The following IQCM variants were observed in gnomAD, a reference collection of about 807,000 sequenced individuals.
The protein encoded by IQCM is IQ motif containing M, also known as IQ domain-containing protein M.
A neutral mutation model predicts 57.6 loss-of-function variants in IQCM; 45 were observed. That is an observed-to-expected ratio of 0.78 (90% CI 0.62 to 1.00). The LOEUF (loss-of-function observed/expected upper bound fraction) is 1.00. Ranked by LOEUF, IQCM falls within the 50% of genes least tolerant of loss-of-function variation. IQCM has a pLI of 0.00. For synonymous variants in IQCM, 148 were observed against 158.9 expected (o/e 0.93, Z 0.51); for missense variants, 468 against 511.6 (o/e 0.91, Z 0.82).
At chr4:149,705,157 T>TAAATATATA (rs201493509) in intron 5 of IQCM, among the ~76,000 whole-genome samples, 3,545 of 146,914 alleles carry the variant, frequency 0.024, 135 homozygotes, top group African/African-American at 0.082. Context: ...ATACATATTA[T>TAAATATATA]AAATATATAA....
chr4:149,719,999 AT>A (rs1449254291), intron 5 of IQCM, among the ~76,000 whole-genome samples: 7 of 152,194 alleles, frequency 4.6e-5, no homozygotes, highest in Admixed American at 3.3e-4. Context: ...TACTGCTCTC[AT>A]TTCACTTCCT....
chr4:149,694,474 T>C (rs377049250), intron 5 of IQCM, among the ~76,000 whole-genome samples: 3 of 152,038 alleles, frequency 2.0e-5, no homozygotes, highest in Admixed American at 6.6e-5. Flanking sequence ...GTAGATAATA[T>C]ATACATACTT....
chr4:149,526,348 C>T (rs190350105), intron 12 of IQCM, among the ~76,000 whole-genome samples: 10 of 151,926 alleles, frequency 6.6e-5, no homozygotes, highest in East Asian at 5.8e-4. Flanking sequence ...ATTCTCATGG[C>T]GATTCCAGAC....
intron 13 of IQCM, among the ~76,000 whole-genome samples, chr4:149,425,139 C>A (rs970981712): frequency 1.3e-5 from 2 of 151,936 alleles, no homozygotes; most frequent in Non-Finnish European, 2.9e-5. Flanking sequence ...AGAAAATGCA[C>A]ATAAAATGTA....
intron 13 of IQCM, among the ~76,000 whole-genome samples, chr4:149,408,148 T>C (rs1733115741): frequency 6.6e-6 from 1 of 152,172 alleles, no homozygotes; most frequent in Non-Finnish European, 1.5e-5. Flanking sequence ...TTGTACCCCA[T>C]AAATTTATAC....
intron 2 of IQCM, among the ~76,000 whole-genome samples, chr4:149,805,276 C>T (rs1199059197): frequency 2.0e-5 from 3 of 151,910 alleles, no homozygotes; most frequent in Non-Finnish European, 2.9e-5. Context: ...CTTGGAAATG[C>T]TTTTCTGTTT....
At chr4:149,378,144 A>T (rs1380154280) in intron 13 of IQCM, among the ~76,000 whole-genome samples, 1 of 152,144 alleles carries the variant, frequency 6.6e-6, no homozygotes, top group African/African-American at 2.4e-5. Flanking sequence ...TTCTGTCATG[A>T]TTATGAGGCC....
intron 2 of IQCM, among the ~76,000 whole-genome samples, chr4:149,802,569 G>A (rs1399174351): frequency 1.3e-5 from 2 of 151,914 alleles, no homozygotes; most frequent in Non-Finnish European, 2.9e-5. Flanking sequence ...TGTAACAAAA[G>A]CTAATGGAGC....
At chr4:149,450,816 A>AG (rs1197948453) in intron 12 of IQCM, among the ~76,000 whole-genome samples, 1 of 151,788 alleles carries the variant, frequency 6.6e-6, no homozygotes, top group Non-Finnish European at 1.5e-5. Flanking sequence ...CCTCAAAAAA[A>AG]CTAAAAATAA....
At chr4:149,601,245 T>C (rs1754263824) in intron 8 of IQCM, among the ~76,000 whole-genome samples, 1 of 152,096 alleles carries the variant, frequency 6.6e-6, no homozygotes, top group African/African-American at 2.4e-5. Context: ...TCCTAGGTGA[T>C]AACAATGCTA....
rs867537120 is a variant in IQCM, at chr4:149,368,878, G to A, written c.1391-16812C>T. ...CATGTATATATATACATATATACAC[G>A]TGTATATATATGTATATATATACAC... On this transcript the variant is annotated intron_variant, in intron 13 of 13. Coordinates refer to ENST00000636793, the MANE Select transcript of IQCM (RefSeq NM_001363507.2). Among the ~76,000 whole-genome samples the A allele has an allele frequency of 2.3e-3, 92 of 40,152 alleles. 1 individual carries two copies. Among genetic ancestry groups the A allele is most frequent in the East Asian group, 4.7e-3 (9 of 1,920 alleles). 26.3% of individuals were successfully genotyped at this position (40,152 alleles called of 152,430 possible). A position where few individuals can be genotyped will look rare whatever the true frequency, so the allele number is the denominator to read the frequency against.
chr4:149,381,247 C>T (rs1278672413), intron 13 of IQCM, among the ~76,000 whole-genome samples: 1 of 151,992 alleles, frequency 6.6e-6, no homozygotes, highest in African/African-American at 2.4e-5. Context: ...ATTATTTTTT[C>T]CTGCTTGGAT....
chr4:149,616,375 T>C (rs1267205849), intron 8 of IQCM, among the ~76,000 whole-genome samples: 1 of 152,108 alleles, frequency 6.6e-6, no homozygotes, highest in Non-Finnish European at 1.5e-5. Flanking sequence ...ATGAGACACC[T>C]AGAGTAGTCA....
chr4:149,547,136 T>G (rs1256181050), intron 12 of IQCM, among the ~76,000 whole-genome samples: 3 of 152,256 alleles, frequency 2.0e-5, no homozygotes, highest in Admixed American at 2.0e-4. Context: ...GTTGTAGATG[T>G]GTGGTATTAT....
chr4:149,622,922 C>A (rs1047449172), intron 7 of IQCM, among the ~76,000 whole-genome samples: 3 of 152,124 alleles, frequency 2.0e-5, no homozygotes, highest in African/African-American at 7.2e-5. Context: ...ATAAACTGTT[C>A]CAAGGCAAGG....
chr4:149,460,822 T>C (rs550584979), intron 12 of IQCM, among the ~76,000 whole-genome samples: 15 of 152,228 alleles, frequency 9.9e-5, no homozygotes, highest in African/African-American at 3.6e-4. Context: ...TTATATCTAA[T>C]GGAATAAAGG....
intron 13 of IQCM, among the ~76,000 whole-genome samples, chr4:149,417,957 C>T (rs190524646): frequency 9.2e-4 from 139 of 150,814 alleles, no homozygotes; most frequent in Non-Finnish European, 1.2e-3. Context: ...CTAGCAAATG[C>T]TAAAACAGTG....
intron 2 of IQCM, among the ~76,000 whole-genome samples, chr4:149,756,500 T>C (rs1768978738): frequency 6.6e-6 from 1 of 151,888 alleles, no homozygotes; most frequent in Non-Finnish European, 1.5e-5. Context: ...CCCAAACATA[T>C]AGATCCTCAA....
chr4:149,806,599 G>GA (rs991480274), intron 2 of IQCM, among the ~76,000 whole-genome samples: 49 of 152,010 alleles, frequency 3.2e-4, no homozygotes, highest in African/African-American at 1.2e-3. Context: ...TCTATGCCTA[G>GA]AAATTGAGAA....
Sources: allele counts gnomAD v4.1 joint callset (sites outside exome capture counted in the v4.1 genomes callset), GRCh38; gene constraint gnomAD v4.1.1; transcripts MANE v1.5; gene names NCBI Gene and HGNC (gene_info 2026-07-23, HGNC 2026-07-21).